Variants in FRS2 observed in about 807,000 individuals in gnomAD.
FRS2 encodes the protein FGFR signalling adaptor.
A neutral mutation model predicts 43.9 loss-of-function variants in FRS2; 8 were observed. The ratio of observed to expected loss-of-function variants is 0.18; its 90% confidence interval spans 0.11 to 0.33. The LOEUF (loss-of-function observed/expected upper bound fraction) is 0.33. FRS2 is among the 10% of genes least tolerant of loss of function. The pLI is 1.00. For synonymous variants in FRS2, 219 were observed against 220.3 expected (o/e 0.99, Z 0.05); for missense variants, 534 against 627.6 (o/e 0.85, Z 1.59).
intron 3 of FRS2, among the ~76,000 whole-genome samples, chr12:69,541,435 C>G (rs186549304): frequency 6.6e-6 from 1 of 152,110 alleles, no homozygotes; most frequent in East Asian, 1.9e-4. Flanking sequence ...CTGAAGGAAG[C>G]GTGTGTATGT....
At chr12:69,567,038 A>G (rs893269252) in intron 4 of FRS2, among the ~76,000 whole-genome samples, 3 of 152,124 alleles carry the variant, frequency 2.0e-5, no homozygotes, top group Non-Finnish European at 4.4e-5. Flanking sequence ...CTTCTTTTAA[A>G]TCCCAGCTCA....
chr12:69,552,364 C>T (rs1221975423), intron 3 of FRS2, among the ~76,000 whole-genome samples: 1 of 147,242 alleles, frequency 6.8e-6, no homozygotes, highest in Non-Finnish European at 1.5e-5. Context: ...GGATATATGT[C>T]TATTAATATT....
chr12:69,473,904 G>A (rs1870529226), intron 1 of FRS2, among the ~76,000 whole-genome samples: 2 of 152,038 alleles, frequency 1.3e-5, no homozygotes, highest in African/African-American at 2.4e-5. Context: ...GTGCGGTGGC[G>A]TGATCTTGGC....
intron 3 of FRS2, among the ~76,000 whole-genome samples, chr12:69,559,787 TA>T (rs542809585): frequency 7.4e-4 from 106 of 143,312 alleles, no homozygotes; most frequent in Middle Eastern, 3.5e-3. Context: ...CCCAATGGTT[TA>T]AAAAAAAAAA....
chr12:69,539,705 A>T (rs1877687862), intron 3 of FRS2, among the ~76,000 whole-genome samples: 1 of 151,990 alleles, frequency 6.6e-6, no homozygotes, highest in Non-Finnish European at 1.5e-5. Flanking sequence ...AATAGACAAG[A>T]TCCACTTTGG....
intron 4 of FRS2, among the ~76,000 whole-genome samples, chr12:69,563,682 T>C (rs971223391): frequency 6.6e-6 from 1 of 152,210 alleles, no homozygotes; most frequent in African/African-American, 2.4e-5. Context: ...AATCCTGCTC[T>C]CTTTTCTTGG....
At chr12:69,483,534 A>G (rs1410708849) in intron 1 of FRS2, among the ~76,000 whole-genome samples, 6 of 152,128 alleles carry the variant, frequency 3.9e-5, no homozygotes, top group East Asian at 1.9e-4. Context: ...AATACAGTCA[A>G]TTTTGGAGCT....
intron 1 of FRS2, among the ~76,000 whole-genome samples, chr12:69,471,370 TAA>T: frequency 6.6e-6 from 1 of 152,246 alleles, no homozygotes; most frequent in Admixed American, 6.5e-5. Context: ...GAATTGATTT[TAA>T]AGAGTTGGAC....
Position 69,577,072 on chromosome 12 carries a change from A to G in FRS2, c.*2117A>G, listed in dbSNP as rs1223680251. 1 of 152,512 alleles carries G rather than the reference A, an allele frequency of 6.6e-6. No homozygotes were observed. The highest frequency in any genetic ancestry group is 6.5e-5 in the Admixed American group (1 of 15,282). The allele number at this position is 152,512 out of a possible 1,614,324, so 9.4% of individuals were successfully genotyped here. ...AATCTCCAAATGCAAGGGCTGATCT[A>G]TTTATTCATTTTGGAGGTTGGGTAC... On this transcript the variant is annotated 3_prime_UTR_variant, in exon 9 of 9. Coordinates refer to ENST00000549921, the MANE Select transcript of FRS2 (RefSeq NM_001278356.2).
intron 3 of FRS2, among the ~76,000 whole-genome samples, chr12:69,560,047 T>C (rs575367019): frequency 6.6e-6 from 1 of 152,330 alleles, no homozygotes; most frequent in Admixed American, 6.5e-5. Context: ...TACTTGTGAA[T>C]AGAGTTCAGT....
chr12:69,485,084 C>CAA (rs1230729594), intron 1 of FRS2, among the ~76,000 whole-genome samples: 1 of 89,208 alleles, frequency 1.1e-5, no homozygotes, highest in South Asian at 3.5e-4. Flanking sequence ...CATCTTAAAA[C>CAA]ACACACACAC....
intron 3 of FRS2, among the ~76,000 whole-genome samples, chr12:69,553,605 A>C (rs1271778829): frequency 6.6e-6 from 1 of 152,088 alleles, no homozygotes; most frequent in Non-Finnish European, 1.5e-5. Flanking sequence ...AAAAAAAAAA[A>C]CAACTTTTGG....
At chr12:69,472,441 T>C (rs1277945319) in intron 1 of FRS2, among the ~76,000 whole-genome samples, 1 of 152,056 alleles carries the variant, frequency 6.6e-6, no homozygotes, top group Non-Finnish European at 1.5e-5. Flanking sequence ...TTCTTCCACA[T>C]GTGAAGTACT....
At chr12:69,567,645 A>G (rs1323258277) in intron 4 of FRS2, among the ~76,000 whole-genome samples, 1 of 152,234 alleles carries the variant, frequency 6.6e-6, no homozygotes, top group Non-Finnish European at 1.5e-5. Flanking sequence ...CATGACGGTC[A>G]TACATAATAG....
chr12:69,491,850 T>G (rs537048316), intron 1 of FRS2, among the ~76,000 whole-genome samples: 1 of 152,298 alleles, frequency 6.6e-6, no homozygotes, highest in South Asian at 2.1e-4. Context: ...TATACATATT[T>G]TGCCCGTGCA....
intron 1 of FRS2, among the ~76,000 whole-genome samples, chr12:69,485,113 A>ACGCGCGCG (rs1211462538): frequency 2.0e-4 from 28 of 142,412 alleles, no homozygotes; most frequent in Admixed American, 7.0e-4. Flanking sequence ...ACACACACAC[A>ACGCGCGCG]CACACACACA....
chr12:69,483,406 A>G (rs1234356922), intron 1 of FRS2, among the ~76,000 whole-genome samples: 1 of 152,234 alleles, frequency 6.6e-6, no homozygotes, highest in African/African-American at 2.4e-5. Flanking sequence ...TGTTGCGTGA[A>G]GTCATGTAGT....
chr12:69,519,588 C>T (rs184051206), intron 1 of FRS2, among the ~76,000 whole-genome samples: 1 of 102,760 alleles, frequency 9.7e-6, no homozygotes, highest in Non-Finnish European at 2.1e-5. Flanking sequence ...CCACAGTTGT[C>T]TGTTGTTCCC....
At chr12:69,480,937 T>C (rs549613783) in intron 1 of FRS2, among the ~76,000 whole-genome samples, 4 of 152,104 alleles carry the variant, frequency 2.6e-5, no homozygotes, top group African/African-American at 7.2e-5. Flanking sequence ...TTTATGTTAG[T>C]TTTGCAGAGT....
Sources: gnomAD v4.1 joint callset for allele counts (sites outside exome capture counted in the v4.1 genomes callset) on GRCh38, gnomAD v4.1.1 for gene constraint, MANE v1.5 for transcripts, NCBI Gene and HGNC (gene_info 2026-07-23, HGNC 2026-07-21) for gene names.